Variants in CSGALNACT1 observed in about 807,000 individuals in gnomAD.
CSGALNACT1 encodes the protein chondroitin sulfate N-acetylgalactosaminyltransferase 1, also known as beta4GalNAcT-1.
Under a neutral mutation model 51.0 loss-of-function variants are expected in CSGALNACT1, and 52 were observed. The observed-to-expected ratio is 1.02, with a 90% CI of 0.82 to 1.29. CSGALNACT1 has a LOEUF of 1.29. CSGALNACT1 is among the 50% of genes most tolerant of loss of function. The pLI is 0.00. For synonymous variants in CSGALNACT1, 341 were observed against 254.4 expected, an observed-to-expected ratio of 1.34 and a Z score of -3.24; for missense variants, 935 against 679.2, an observed-to-expected ratio of 1.38 and a Z score of -4.19.
At chr8:19,495,400 A>G (rs2075275482) in intron 4 of CSGALNACT1, among the ~76,000 whole-genome samples, 1 of 151,806 alleles carries the variant, frequency 6.6e-6, no homozygotes. Context: ...GCCCATAAAA[A>G]CCTCTTTAAC....
intron 1 of CSGALNACT1, among the ~76,000 whole-genome samples, chr8:19,679,082 T>G (rs982306917): frequency 6.6e-6 from 1 of 152,208 alleles, no homozygotes; most frequent in African/African-American, 2.4e-5. Context: ...TCATAAAGAC[T>G]TGAAAAACTT....
intron 4 of CSGALNACT1, among the ~76,000 whole-genome samples, chr8:19,473,588 G>A (rs2068715208): frequency 6.6e-6 from 1 of 152,134 alleles, no homozygotes; most frequent in Non-Finnish European, 1.5e-5. Flanking sequence ...TAATGACTCA[G>A]GTTTCCCACT....
chr8:19,664,714 A>G (rs1232825914), intron 1 of CSGALNACT1, among the ~76,000 whole-genome samples: 2 of 152,178 alleles, frequency 1.3e-5, no homozygotes, highest in African/African-American at 2.4e-5. Context: ...AGCCACAAAA[A>G]AAGAATGAAA....
chr8:19,530,642 G>A (rs1035775031), intron 3 of CSGALNACT1, among the ~76,000 whole-genome samples: 1 of 152,088 alleles, frequency 6.6e-6, no homozygotes, highest in Non-Finnish European at 1.5e-5. Context: ...GAGGCTGGAG[G>A]ATCGCTTGAA....
At chr8:19,678,266 A>G (rs2060342613) in intron 1 of CSGALNACT1, among the ~76,000 whole-genome samples, 1 of 152,206 alleles carries the variant, frequency 6.6e-6, no homozygotes, top group African/African-American at 2.4e-5. Flanking sequence ...AGAAGTATCC[A>G]GACATCTCTG....
intron 3 of CSGALNACT1, among the ~76,000 whole-genome samples, chr8:19,570,804 G>A (rs1184681479): frequency 2.0e-5 from 3 of 152,122 alleles, no homozygotes; most frequent in Non-Finnish European, 4.4e-5. Context: ...GGAGGCTGAA[G>A]CACAAGAATC....
intron 1 of CSGALNACT1, among the ~76,000 whole-genome samples, chr8:19,662,758 C>T (rs963385945): frequency 2.6e-5 from 4 of 152,166 alleles, no homozygotes; most frequent in Admixed American, 2.0e-4. Flanking sequence ...TGGTAATGCT[C>T]ACCTTTGGCT....
intron 3 of CSGALNACT1, among the ~76,000 whole-genome samples, chr8:19,549,155 G>A (rs569448179): frequency 6.6e-6 from 1 of 151,814 alleles, no homozygotes; most frequent in African/African-American, 2.4e-5. Flanking sequence ...TGGTATCCCA[G>A]TGTGGAAGAT....
At chr8:19,745,941 A>T (rs1235470761) in intron 1 of CSGALNACT1, among the ~76,000 whole-genome samples, 2 of 152,180 alleles carry the variant, frequency 1.3e-5, no homozygotes, top group African/African-American at 4.8e-5. Flanking sequence ...AACAGGAAGC[A>T]GGTGGTCACT....
intron 6 of CSGALNACT1, among the ~76,000 whole-genome samples, chr8:19,422,900 T>C (rs1361420488): frequency 6.6e-6 from 1 of 152,194 alleles, no homozygotes; most frequent in Non-Finnish European, 1.5e-5. Flanking sequence ...TGCTTTAACT[T>C]TCTATGTATT....
intron 4 of CSGALNACT1, among the ~76,000 whole-genome samples, chr8:19,482,836 T>G (rs563960794): frequency 1.3e-5 from 2 of 152,314 alleles, no homozygotes; most frequent in African/African-American, 2.4e-5. Context: ...ATATTCCAAC[T>G]GTCTTGGCCC....
intron 1 of CSGALNACT1, among the ~76,000 whole-genome samples, chr8:19,644,958 A>C (rs1401248553): frequency 6.6e-6 from 1 of 152,178 alleles, no homozygotes; most frequent in East Asian, 1.9e-4. Context: ...AAATAGCAGG[A>C]GCCTCTGTCT....
At chr8:19,743,543 G>C (rs1202742244) in intron 1 of CSGALNACT1, among the ~76,000 whole-genome samples, 1 of 152,166 alleles carries the variant, frequency 6.6e-6, no homozygotes, top group Non-Finnish European at 1.5e-5. Flanking sequence ...ATATACTTTT[G>C]AATTAGACTG....
chr8:19,638,096 T>G (rs1268911414), intron 1 of CSGALNACT1, among the ~76,000 whole-genome samples: 1 of 148,072 alleles, frequency 6.8e-6, no homozygotes, highest in Admixed American at 6.7e-5. Context: ...GTTAGTCTCT[T>G]GAAACCAACG....
intron 4 of CSGALNACT1, among the ~76,000 whole-genome samples, chr8:19,482,838 T>C (rs1586926851): frequency 6.6e-6 from 1 of 152,158 alleles, no homozygotes; most frequent in Admixed American, 6.5e-5. Context: ...ATTCCAACTG[T>C]CTTGGCCCTC....
intron 1 of CSGALNACT1, among the ~76,000 whole-genome samples, chr8:19,682,291 G>A (rs1168847119): frequency 6.6e-6 from 1 of 152,030 alleles, no homozygotes; most frequent in Non-Finnish European, 1.5e-5. Flanking sequence ...TCCCTGCTTT[G>A]GGCCGCTAGG....
chr8:19,748,054 C>A (rs966577618), intron 1 of CSGALNACT1, among the ~76,000 whole-genome samples: 45 of 151,648 alleles, frequency 3.0e-4, no homozygotes, highest in Non-Finnish European at 5.2e-4. Context: ...TAAACGTACT[C>A]AAAAAAAATC....
chr8:19,622,415 T>A (rs1032140669), intron 1 of CSGALNACT1, among the ~76,000 whole-genome samples: 3 of 152,224 alleles, frequency 2.0e-5, no homozygotes, highest in African/African-American at 7.2e-5. Context: ...TTTTCAGGAA[T>A]TTTACAAGCC....
At chr8:19,493,966 C>A (rs11781106) in intron 4 of CSGALNACT1, among the ~76,000 whole-genome samples, 2 of 151,832 alleles carry the variant, frequency 1.3e-5, no homozygotes, top group African/African-American at 2.4e-5. Flanking sequence ...GAGAAACTGC[C>A]AAACTATTTT....
Sources: allele counts gnomAD v4.1 joint callset (sites outside exome capture counted in the v4.1 genomes callset), GRCh38; gene constraint gnomAD v4.1.1; transcripts MANE v1.5; gene names NCBI Gene and HGNC (gene_info 2026-07-23, HGNC 2026-07-21).